The following GRIN2B variants were observed in gnomAD, a reference collection of about 807,000 sequenced individuals.
GRIN2B encodes glutamate receptor ionotropic, NMDA 2B.
In GRIN2B, 5 loss-of-function variants were observed where a neutral mutation model predicts 114.5. The observed-to-expected ratio is 0.04, with a 90% confidence interval of 0.02 to 0.09. GRIN2B has a LOEUF of 0.09. Ranked by LOEUF, GRIN2B falls within the 10% of genes least tolerant of loss-of-function variation. The probability of loss-of-function intolerance (pLI) is 1.00; values close to 1 mark genes in which losing one functional copy is unlikely to be tolerated. For missense variants in GRIN2B, 1,108 were observed against 1,943.5 expected, an observed-to-expected ratio of 0.57 and a Z score of 8.08; for synonymous variants, 787 against 745.1, an observed-to-expected ratio of 1.06 and a Z score of -0.92.
chr12:13,963,453 A>G (rs1477193616), intron 2 of GRIN2B, among the ~76,000 whole-genome samples: 2 of 152,198 alleles, frequency 1.3e-5, no homozygotes, highest in African/African-American at 4.8e-5. Context: ...AAGATGGAGA[A>G]GGCCAGCAAG....
chr12:13,633,031 A>C (rs769253035), intron 5 of GRIN2B, among the ~76,000 whole-genome samples: 54 of 152,326 alleles, frequency 3.5e-4, no homozygotes, highest in Non-Finnish European at 6.3e-4. Flanking sequence ...GTCAGGTGAC[A>C]TTTCACTGAG....
chr12:13,848,493 C>T (rs1397144195), intron 3 of GRIN2B, among the ~76,000 whole-genome samples: 1 of 152,046 alleles, frequency 6.6e-6, no homozygotes, highest in Non-Finnish European at 1.5e-5. Context: ...GAGGTAGGAG[C>T]TGTCAAATGA....
chr12:13,583,184 T>G (rs1410140580), intron 10 of GRIN2B, among the ~76,000 whole-genome samples: 2 of 152,190 alleles, frequency 1.3e-5, no homozygotes, highest in Non-Finnish European at 2.9e-5. Flanking sequence ...CACTGAGCTC[T>G]GAAATAAAAT....
At chr12:13,877,647 T>C (rs953730212) in intron 2 of GRIN2B, among the ~76,000 whole-genome samples, 4 of 152,162 alleles carry the variant, frequency 2.6e-5, no homozygotes, top group African/African-American at 9.7e-5. Flanking sequence ...TTGTTACAGT[T>C]CTACCACTGA....
rs1437823857 is a variant in GRIN2B at position 13,959,944 on chromosome 12, T to C, written c.-19+19984A>G. ...GTGAGAAAATGAGCATTCAAGGGAG[T>C]GGAGGACGGAGAAAAAACAGAATGG... On this transcript the variant is annotated intron_variant, in intron 2 of 13. Coordinates refer to ENST00000609686, the MANE Select transcript of GRIN2B (RefSeq NM_000834.5). Among the ~76,000 whole-genome samples, 4 of 151,508 alleles carry C rather than the reference T, an allele frequency of 2.6e-5. No homozygotes were observed. The South Asian group carries it at 8.4e-4, about 32-fold the overall frequency.
intron 3 of GRIN2B, among the ~76,000 whole-genome samples, chr12:13,815,961 G>GCA (rs113971389): frequency 0.019 from 2,815 of 151,754 alleles, 88 homozygotes; most frequent in African/African-American, 0.061. Context: ...ATGCACATGT[G>GCA]CACACACACA....
chr12:13,704,255 A>G (rs1950339001), intron 4 of GRIN2B, among the ~76,000 whole-genome samples: 1 of 152,132 alleles, frequency 6.6e-6, no homozygotes, highest in Non-Finnish European at 1.5e-5. Context: ...GGGCTACACC[A>G]CCACCATGCA....
At position 13,615,813 on chromosome 12, in the gene GRIN2B, A is replaced by G. The variant is rs2136480317; in HGVS notation, c.1329-149T>C. ...CAATTTATACTAGACTCGAGTGAAG[A>G]AATAAAGCAGGCAACAGACCTGCAA... On this transcript the variant is annotated intron_variant, in intron 6 of 13. Transcript: ENST00000609686. The surrounding 1 kb of genome is among the most constrained non-coding windows in gnomAD (Gnocchi z 5.8). 1 of 710,464 alleles carries G rather than the reference A, an allele frequency of 1.4e-6. No homozygotes were observed. Among genetic ancestry groups the G allele is most frequent in the Non-Finnish European group, 2.5e-6 (1 of 394,288 alleles). 44.0% of individuals were successfully genotyped at this position (710,464 alleles called of 1,614,324 possible). A position where few individuals can be genotyped will look rare whatever the true frequency, so the allele number is the denominator to read the frequency against.
At chr12:13,931,835 A>C (rs951115724) in intron 2 of GRIN2B, among the ~76,000 whole-genome samples, 8 of 152,152 alleles carry the variant, frequency 5.3e-5, no homozygotes, top group Non-Finnish European at 1.2e-4. Flanking sequence ...TCAGCTGTAC[A>C]ATGAATATAT....
chr12:13,777,490 T>C (rs973423815), intron 3 of GRIN2B, among the ~76,000 whole-genome samples: 1 of 152,116 alleles, frequency 6.6e-6, no homozygotes, highest in African/African-American at 2.4e-5. Flanking sequence ...CTATCCACAC[T>C]GCACTGAAGT....
chr12:13,775,507 G>A (rs1473059238), intron 3 of GRIN2B, among the ~76,000 whole-genome samples: 1 of 152,206 alleles, frequency 6.6e-6, no homozygotes, highest in Non-Finnish European at 1.5e-5. Context: ...AAATAGTACT[G>A]GGAGGCAGGT....
chr12:13,610,880 C>T (rs1591639996), intron 9 of GRIN2B, among the ~76,000 whole-genome samples: 1 of 152,312 alleles, frequency 6.6e-6, no homozygotes, highest in East Asian at 1.9e-4. Flanking sequence ...CCCCATAGAT[C>T]ATTCTTATGT....
rs555680903 is a variant in GRIN2B at position 13,559,644 on chromosome 12, C to T, written c.*3139G>A. On this transcript the variant is annotated 3_prime_UTR_variant, in exon 14 of 14. Coordinates refer to ENST00000609686, the MANE Select transcript of GRIN2B (RefSeq NM_000834.5). ...TTTCTAGTGGATCCCATCATCTTTT[C>T]TAGAAAAGCATGCAAATTTGTAAGA... 6.6e-6 allele frequency: 1 copy of T among 152,306 alleles called. No individual in the cohort carries two copies. Among genetic ancestry groups the T allele is most frequent in the African/African-American group, 2.4e-5 (1 of 41,566 alleles). The allele number at this position is 152,306 out of a possible 1,614,324, so 9.4% of individuals were successfully genotyped here.
At chr12:13,777,065 A>G (rs1864019148) in intron 3 of GRIN2B, among the ~76,000 whole-genome samples, 1 of 152,150 alleles carries the variant, frequency 6.6e-6, no homozygotes, top group Non-Finnish European at 1.5e-5. Context: ...GCCCTATCCC[A>G]TTAACCTAGT....
intron 4 of GRIN2B, among the ~76,000 whole-genome samples, chr12:13,730,863 C>G (rs571258272): frequency 9.9e-5 from 15 of 152,246 alleles, no homozygotes; most frequent in African/African-American, 3.6e-4. Flanking sequence ...AATGCCTGCC[C>G]TCTCTACCAC....
Position 13,540,479 on chromosome 12 carries a change from A to AC in GRIN2B, c.*22303dup, listed in dbSNP as rs894699668. ...CACAAAAAAGCCCTCCACCCAAAAG[A>AC]CCCCCCACCCCCACCCGACCCCAAT... On this transcript the variant is annotated 3_prime_UTR_variant, in exon 14 of 14. Coordinates refer to ENST00000609686, the MANE Select transcript of GRIN2B (RefSeq NM_000834.5). The AC allele has an allele frequency of 2.7e-5, 4 of 145,626 alleles. No homozygotes were observed. Among genetic ancestry groups the AC allele is most frequent in the South Asian group, 4.6e-4 (2 of 4,344 alleles). 9.0% of individuals were successfully genotyped at this position (145,626 alleles called of 1,614,324 possible).
At chr12:13,932,550 A>T (rs939381392) in intron 2 of GRIN2B, among the ~76,000 whole-genome samples, 1 of 152,192 alleles carries the variant, frequency 6.6e-6, no homozygotes, top group African/African-American at 2.4e-5. Flanking sequence ...CATCACACCC[A>T]GTCAAAAGTC....
chr12:13,968,435 G>A (rs1294149425), intron 2 of GRIN2B, among the ~76,000 whole-genome samples: 1 of 152,162 alleles, frequency 6.6e-6, no homozygotes, highest in East Asian at 1.9e-4. Context: ...TACAGATGAG[G>A]AAGTGAGTTC....
At chr12:13,871,568 G>T (rs1177379329) in intron 2 of GRIN2B, among the ~76,000 whole-genome samples, 1 of 151,668 alleles carries the variant, frequency 6.6e-6, no homozygotes, top group Non-Finnish European at 1.5e-5. Context: ...AATAAAATAT[G>T]ATTAATTATA....
Sources: allele counts gnomAD v4.1 joint callset (sites outside exome capture counted in the v4.1 genomes callset), GRCh38; gene constraint gnomAD v4.1.1; non-coding constraint Gnocchi (gnomAD v3.1); transcripts MANE v1.5; gene names NCBI Gene and HGNC (gene_info 2026-07-23, HGNC 2026-07-21).